RAP1GAP2: variants seen among roughly 807,000 people sequenced by gnomAD.
RAP1GAP2 encodes rap1 GTPase-activating protein 2.
In RAP1GAP2, 27 loss-of-function variants were observed where a neutral mutation model predicts 95.0. That is an observed-to-expected ratio of 0.28 (90% CI 0.21 to 0.39). The LOEUF is 0.39. Among genes scored for constraint, RAP1GAP2 ranks in the 10% least tolerant of loss-of-function variants. The probability of loss-of-function intolerance (pLI) is 1.00; values close to 1 mark genes in which losing one functional copy is unlikely to be tolerated. For synonymous variants in RAP1GAP2, 373 were observed against 380.9 expected (o/e 0.98, Z 0.24); for missense variants, 771 against 970.0 (o/e 0.79, Z 2.72).
chr17:2,909,701 TC>T (rs1226169818), intron 3 of RAP1GAP2, among the ~76,000 whole-genome samples: 6 of 152,084 alleles, frequency 3.9e-5, no homozygotes, highest in Admixed American at 6.5e-5. Context: ...TTCCTCCTCC[TC>T]CCCCGTGTTC....
At position 3,029,538 on chromosome 17, in the gene RAP1GAP2, C is replaced by T. The variant is rs1184845491; in HGVS notation, c.2108-1384C>T. On this transcript the variant is annotated intron_variant, in intron 22 of 24. Transcript: ENST00000254695. The surrounding 1 kb of genome is among the most constrained non-coding windows in gnomAD (Gnocchi z 4.4). ...AGAGGTGGCCTGACGTCCTGACGTA[C>T]AGTCTCCATAATGTCAGATATCTGA... Among the ~76,000 whole-genome samples the T allele has an allele frequency of 6.6e-6, 1 of 152,078 alleles. No homozygotes were observed. Among genetic ancestry groups the T allele is most frequent in the East Asian group, 1.9e-4 (1 of 5,192 alleles).
intron 11 of RAP1GAP2, among the ~76,000 whole-genome samples, chr17:2,985,435 A>T (rs1314617168): frequency 6.6e-6 from 1 of 152,194 alleles, no homozygotes; most frequent in Non-Finnish European, 1.5e-5. Context: ...CCCACTGGGA[A>T]TTAGCTTTTT....
upstream of RAP1GAP2, among the ~76,000 whole-genome samples, chr17:2,772,120 G>A (rs1450215992): frequency 1.3e-5 from 2 of 152,068 alleles, no homozygotes; most frequent in African/African-American, 4.8e-5. Context: ...CTCTTGAGTA[G>A]CTGGGATTAC....
chr17:2,907,119 G>A (rs897365449), intron 3 of RAP1GAP2, among the ~76,000 whole-genome samples: 3 of 152,148 alleles, frequency 2.0e-5, no homozygotes, highest in Non-Finnish European at 4.4e-5. Flanking sequence ...TTCTAACAAA[G>A]TCCCAGGGAA....
chr17:2,829,272 C>T (rs1439443783), intron 2 of RAP1GAP2, among the ~76,000 whole-genome samples: 1 of 152,160 alleles, frequency 6.6e-6, no homozygotes, highest in Admixed American at 6.6e-5. Flanking sequence ...GCCTGAGCTA[C>T]CATGCCCGGC....
intron 3 of RAP1GAP2, among the ~76,000 whole-genome samples, chr17:2,944,161 C>CAAAAAAAAAAAAAAAAAAA (rs36063732): frequency 1.2e-5 from 1 of 81,806 alleles, no homozygotes. Context: ...ACAGCAAAAC[C>CAAAAAAAAAAAAAAAAAAA]AAAAAAAAAA....
chr17:2,868,379 G>T (rs1467264612), intron 2 of RAP1GAP2, among the ~76,000 whole-genome samples: 1 of 152,186 alleles, frequency 6.6e-6, no homozygotes, highest in Admixed American at 6.5e-5. Flanking sequence ...AACCCAGGGG[G>T]ATATATGATC....
intron 12 of RAP1GAP2, among the ~76,000 whole-genome samples, chr17:2,991,642 T>C (rs1197510255): frequency 6.6e-6 from 1 of 152,250 alleles, no homozygotes; most frequent in Non-Finnish European, 1.5e-5. Context: ...TGTGCCTTCC[T>C]ACTTACCTTT....
Position 3,005,268 on chromosome 17 carries a change from G to C in RAP1GAP2, c.1201-101G>C, listed in dbSNP as rs1352575429. 1 of 1,132,430 alleles carries C rather than the reference G, an allele frequency of 8.8e-7. No homozygotes were observed. The highest frequency in any genetic ancestry group is 2.4e-5 in the East Asian group (1 of 42,548). The allele number at this position is 1,132,430 out of a possible 1,614,324, so 70.1% of individuals were successfully genotyped here. ...TATTTTGTTTGTGTTCTGGGAAGAG[G>C]AGGAGGGAGAAGGTGAGTAGCTTTG... is the stretch of plus-strand genomic sequence containing the variant. On this transcript the variant is annotated intron_variant, in intron 14 of 24. Coordinates refer to ENST00000254695, the MANE Select transcript of RAP1GAP2 (RefSeq NM_015085.5). The surrounding 1 kb of genome is among the most constrained non-coding windows in gnomAD (Gnocchi z 5.2).
chr17:2,876,339 G>A (rs999865240), intron 2 of RAP1GAP2, among the ~76,000 whole-genome samples: 10 of 152,174 alleles, frequency 6.6e-5, no homozygotes, highest in Non-Finnish European at 1.0e-4. Context: ...GAGATCCCGA[G>A]AACAAGTGCC....
In RAP1GAP2 at chr17:2,965,381, C is replaced by T. The variant is rs564220327; in HGVS notation, c.493-159C>T. 8 of 630,304 alleles carry T rather than the reference C, an allele frequency of 1.3e-5. No individual in the cohort carries two copies. The highest frequency in any genetic ancestry group is 4.2e-4 in the Middle Eastern group (1 of 2,402). The allele number at this position is 630,304 out of a possible 1,614,324, so 39.0% of individuals were successfully genotyped here. ...CGGTGCCTGGCGCCTCCTGAGGATC[C>T]GGCCGTCGGTACCTGTTAATGTCGT... On this transcript the variant is annotated intron_variant, in intron 7 of 24. Transcript: ENST00000254695. The surrounding 1 kb of genome is among the most constrained non-coding windows in gnomAD (Gnocchi z 4.7).
chr17:2,933,715 G>C (rs1050811189), intron 3 of RAP1GAP2, among the ~76,000 whole-genome samples: 1 of 152,218 alleles, frequency 6.6e-6, no homozygotes, highest in Non-Finnish European at 1.5e-5. Flanking sequence ...TTACGGACCT[G>C]GCAAGGTTAG....
At chr17:3,001,859 C>G (rs77698953) in intron 14 of RAP1GAP2, among the ~76,000 whole-genome samples, 3 of 152,116 alleles carry the variant, frequency 2.0e-5, no homozygotes, top group African/African-American at 4.8e-5. Context: ...TCCACTTTCC[C>G]GAGACCTTAG....
chr17:2,897,034 C>T (rs1337498225), intron 2 of RAP1GAP2, among the ~76,000 whole-genome samples: 1 of 152,202 alleles, frequency 6.6e-6, no homozygotes, highest in East Asian at 1.9e-4. Flanking sequence ...AGGGCCTTGG[C>T]ACTTTATAAA....
chr17:2,801,016 A>C (rs914572729), intron 2 of RAP1GAP2, among the ~76,000 whole-genome samples: 5 of 150,680 alleles, frequency 3.3e-5, no homozygotes, highest in Admixed American at 3.3e-4. Context: ...CACCTGGCTA[A>C]TTTTTGTATT....
rs2072097506 is a variant in RAP1GAP2 at position 2,855,538 on chromosome 17, T to A, written c.81-49746T>A. Among the ~76,000 whole-genome samples, 1 of 152,194 alleles carries A rather than the reference T, an allele frequency of 6.6e-6. No homozygotes were observed. Among genetic ancestry groups the A allele is most frequent in the African/African-American group, 2.4e-5 (1 of 41,452 alleles). On this transcript the variant is annotated intron_variant, in intron 2 of 24. Transcript: ENST00000254695. The surrounding 1 kb of genome is among the most constrained non-coding windows in gnomAD (Gnocchi z 4.3). ...TGGTTAATGGCCAGTGGTACTGATG[T>A]TTTTCCATTTGTGGTAGTGATATAA...
intron 2 of RAP1GAP2, among the ~76,000 whole-genome samples, chr17:2,805,582 A>G (rs2151488231): frequency 6.6e-6 from 1 of 152,116 alleles, no homozygotes; most frequent in South Asian, 2.1e-4. Flanking sequence ...CATGTTGGCC[A>G]GGCTGATCTC....
chr17:2,830,662 C>G (rs921122263), intron 2 of RAP1GAP2, among the ~76,000 whole-genome samples: 1 of 150,976 alleles, frequency 6.6e-6, no homozygotes, highest in Admixed American at 6.6e-5. Flanking sequence ...TGCAGTGAGC[C>G]GAGATCACAC....
intron 12 of RAP1GAP2, among the ~76,000 whole-genome samples, chr17:2,994,756 C>A (rs1355357927): frequency 6.6e-6 from 1 of 152,192 alleles, no homozygotes; most frequent in East Asian, 1.9e-4. Context: ...CCCATATAAC[C>A]AGCAAGTGTG....
Sources: gnomAD v4.1 joint callset for allele counts (sites outside exome capture counted in the v4.1 genomes callset) on GRCh38, gnomAD v4.1.1 for gene constraint, Gnocchi (gnomAD v3.1) non-coding constraint, MANE v1.5 for transcripts, NCBI Gene and HGNC (gene_info 2026-07-23, HGNC 2026-07-21) for gene names.